FAM89A: variants seen among roughly 807,000 people sequenced by gnomAD.
FAM89A encodes protein FAM89A.
In FAM89A, 10 loss-of-function variants were observed where a neutral mutation model predicts 7.1. The observed-to-expected ratio is 1.40, with a 90% CI of 0.86 to 2.38. FAM89A has a LOEUF of 2.38. Ranked by LOEUF, FAM89A falls within the 30% of genes most tolerant of loss-of-function variation. The pLI, the probability that FAM89A is intolerant of heterozygous loss-of-function variation, is 0.00. For missense variants in FAM89A, 276 were observed against 262.8 expected (o/e 1.05, Z -0.35); for synonymous variants, 157 against 129.3 (o/e 1.21, Z -1.45).
intron 1 of FAM89A, among the ~76,000 whole-genome samples, chr1:231,036,573 A>G (rs184143741): frequency 1.3e-5 from 2 of 152,122 alleles, no homozygotes; most frequent in Admixed American, 1.3e-4. Flanking sequence ...CTAGAACAGG[A>G]AGTGTTGAAA....
At chr1:231,026,825 T>A (rs1465933675) in intron 1 of FAM89A, 8 of 152,018 alleles carry the variant, frequency 5.3e-5, no homozygotes, top group Non-Finnish European at 1.2e-4. Context: ...TTGCTAGGAT[T>A]TCATAAAAGA....
intron 1 of FAM89A, among the ~76,000 whole-genome samples, chr1:231,034,443 T>C (rs1484916005): frequency 6.6e-6 from 1 of 152,222 alleles, no homozygotes; most frequent in African/African-American, 2.4e-5. Flanking sequence ...TGATCCTTGA[T>C]TCATGTGCTT....
chr1:231,040,112 GC>G lies in FAM89A; in HGVS notation c.99del (p.Leu34CysfsTer31). The G allele has an allele frequency of 7.1e-7, 1 of 1,417,522 alleles. No homozygotes were observed. Among genetic ancestry groups the G allele is most frequent in the Non-Finnish European group, 9.2e-7 (1 of 1,083,892 alleles). 87.8% of individuals were successfully genotyped at this position (1,417,522 alleles called of 1,614,324 possible). Reference sequence around the variant, plus strand: ...CCGCCGCCCGACGCCGAGTGCAGCAGCCCGCTCAAGCTCTTTGGCAGCGGGG... The same window carrying G: ...CCGCCGCCCGACGCCGAGTGCAGCAGCCGCTCAAGCTCTTTGGCAGCGGGG... Reference protein sequence around the residue: ...GLPPLPKSLSGLLHSASGGGA... With the variant: ...GLPPLPKSLSXLLHSASGGGA... On this transcript the variant is annotated frameshift_variant, in exon 1 of 2. Coordinates refer to ENST00000366654, the MANE Select transcript of FAM89A (RefSeq NM_198552.3). LOFTEE classifies it high-confidence loss of function.
At chr1:231,031,561 A>G (rs1265950202) in intron 1 of FAM89A, among the ~76,000 whole-genome samples, 3 of 152,196 alleles carry the variant, frequency 2.0e-5, no homozygotes, top group Admixed American at 6.5e-5. Context: ...ACATTTGTCA[A>G]TATCACCATC....
intron 1 of FAM89A, among the ~76,000 whole-genome samples, chr1:231,033,312 G>C (rs1029563403): frequency 2.2e-4 from 34 of 152,344 alleles, no homozygotes; most frequent in African/African-American, 7.5e-4. Context: ...TCTGTGGTCT[G>C]TCTGGTTTCC....
chr1:231,026,474 T>TCCCA (rs1679971775), intron 1 of FAM89A: 1 of 152,192 alleles, frequency 6.6e-6, no homozygotes, highest in East Asian at 1.9e-4. Context: ...AGTCAAAGCC[T>TCCCA]CCCAGCCTGG....
chr1:231,034,771 T>TAAAAAA lies in FAM89A; in HGVS notation c.291+5149_291+5150insTTTTTT, dbSNP rs1558257188. On this transcript the variant is annotated intron_variant, in intron 1 of 1. Coordinates refer to ENST00000366654, the MANE Select transcript of FAM89A (RefSeq NM_198552.3). ...TGGGCAACAAGATAGAAACTCTGTC[T>TAAAAAA]CAAAAAAAAAAAAAAAAAAAAAAAG... is the stretch of plus-strand genomic sequence containing the variant. 4.6e-5 allele frequency among the ~76,000 whole-genome samples: 4 copies of TAAAAAA among 87,892 alleles called. 1 individual carries two copies. The highest frequency in any genetic ancestry group is 2.5e-4 in the Admixed American group (2 of 8,096). The allele number at this position is 87,892 out of a possible 152,430, so 57.7% of individuals were successfully genotyped here.
At chr1:231,032,936 A>C (rs1372706227) in intron 1 of FAM89A, among the ~76,000 whole-genome samples, 1 of 152,366 alleles carries the variant, frequency 6.6e-6, no homozygotes, top group East Asian at 1.9e-4. Context: ...GCACACCTGC[A>C]AAACTAGGCC....
At position 231,020,032 on chromosome 1, in the gene FAM89A, G is replaced by A; in HGVS notation, c.386C>T (p.Ser129Phe). Reference protein sequence around the residue: ...QEYKGACQAASSPDCTYALEN... With the variant: ...QEYKGACQAAFSPDCTYALEN... The stretch of plus-strand genomic sequence containing the variant: ...CAGAGCGTAAGTGCAGTCTGGGCTG[G>A]AGGCTGCCTGGCATGCCCCCTTGTA... The change falls in exon 2 of 2, where the codon TCC becomes TTC. Residue 129 changes from serine (S) to phenylalanine (F), a missense_variant. By Grantham distance (155) the Ser-to-Phe change is radical. Coordinates refer to ENST00000366654, the MANE Select transcript of FAM89A (RefSeq NM_198552.3). 8.1e-6 allele frequency: 13 copies of A among 1,614,104 alleles called. No homozygotes were observed. The highest frequency in any genetic ancestry group is 1.1e-5 in the Non-Finnish European group (13 of 1,180,020).
Position 231,024,520 on chromosome 1 carries a change from G to A in FAM89A, c.292-4394C>T, listed in dbSNP as rs373063301. 2.2e-3 allele frequency among the ~76,000 whole-genome samples: 322 copies of A among 144,542 alleles called. 3 individuals carry two copies. Among genetic ancestry groups the A allele is most frequent in the African/African-American group, 7.1e-3 (279 of 39,042 alleles). 94.8% of individuals were successfully genotyped at this position (144,542 alleles called of 152,430 possible). On this transcript the variant is annotated intron_variant, in intron 1 of 1. Transcript: ENST00000366654. ...AGAACTATGTTTTATTACATTGCAT[G>A]CACACACACACACACACACACACAC...
At chr1:231,021,580 T>C (rs1309060390) in intron 1 of FAM89A, 3 of 1,289,816 alleles carry the variant, frequency 2.3e-6, no homozygotes, top group Non-Finnish European at 3.4e-6. Flanking sequence ...CTTCCTTTTC[T>C]GTTAGGAAAC....
intron 1 of FAM89A, among the ~76,000 whole-genome samples, chr1:231,023,013 G>A (rs890171180): frequency 2.6e-5 from 4 of 152,170 alleles, no homozygotes; most frequent in Non-Finnish European, 5.9e-5. Context: ...TCTCTTTTCT[G>A]ATAAAATCCA....
At chr1:231,028,598 A>G (rs1680012194) in intron 1 of FAM89A, 1 of 152,210 alleles carries the variant, frequency 6.6e-6, no homozygotes, top group Non-Finnish European at 1.5e-5. Flanking sequence ...CAGAAAATAC[A>G]GCTCTCTTTT....
At chr1:231,036,504 T>C (rs1680156806) in intron 1 of FAM89A, among the ~76,000 whole-genome samples, 1 of 152,104 alleles carries the variant, frequency 6.6e-6, no homozygotes, top group Non-Finnish European at 1.5e-5. Flanking sequence ...GCTTTCCAAG[T>C]GGGCCCTTCT....
chr1:231,019,005 T>C lies in FAM89A; in HGVS notation c.*858A>G, dbSNP rs1207224815. 1 of 152,208 alleles carries C rather than the reference T, an allele frequency of 6.6e-6. No individual in the cohort carries two copies. The highest frequency in any genetic ancestry group is 1.9e-4 in the East Asian group (1 of 5,198). The allele number at this position is 152,208 out of a possible 1,614,324, so 9.4% of individuals were successfully genotyped here. ...ATTTTTAACCTACAAAGTGTAATGT[T>C]CTCATAAAGTATTTTAATAAATATA... On this transcript the variant is annotated 3_prime_UTR_variant, in exon 2 of 2. Coordinates refer to ENST00000366654, the MANE Select transcript of FAM89A (RefSeq NM_198552.3).
intron 1 of FAM89A, among the ~76,000 whole-genome samples, chr1:231,029,873 A>T (rs1680039556): frequency 6.6e-6 from 1 of 152,230 alleles, no homozygotes; most frequent in African/African-American, 2.4e-5. Context: ...TCTAGTTTAT[A>T]TCCACAGGCC....
intron 1 of FAM89A, among the ~76,000 whole-genome samples, chr1:231,035,322 G>C (rs994905965): frequency 4.6e-5 from 7 of 152,138 alleles, no homozygotes; most frequent in Admixed American, 4.6e-4. Flanking sequence ...CAAAAGTTCT[G>C]TGTGGATGAC....
chr1:231,022,043 A>C, intron 1 of FAM89A: 1 of 1,417,432 alleles, frequency 7.1e-7, no homozygotes, highest in African/African-American at 1.4e-5. Context: ...GATCGTGCAG[A>C]ATAGACGTCT....
At chr1:231,030,763 T>C (rs1432259712) in intron 1 of FAM89A, among the ~76,000 whole-genome samples, 1 of 152,180 alleles carries the variant, frequency 6.6e-6, no homozygotes, top group Non-Finnish European at 1.5e-5. Context: ...CTTTGGTTTA[T>C]GTGGGTTATA....
Sources: allele counts gnomAD v4.1 joint callset (sites outside exome capture counted in the v4.1 genomes callset), GRCh38; gene constraint gnomAD v4.1.1; transcripts MANE v1.5; gene names NCBI Gene and HGNC (gene_info 2026-07-23, HGNC 2026-07-21).